The following ZNF229 variants were observed in gnomAD, a reference collection of about 807,000 sequenced individuals.
ZNF229 encodes zinc finger protein 229.
A neutral mutation model predicts 11.8 loss-of-function variants in ZNF229; 10 were observed. The observed-to-expected ratio is 0.85, with a 90% CI of 0.52 to 1.44. The LOEUF (loss-of-function observed/expected upper bound fraction) is 1.44, where lower values mean the gene tolerates loss of function less well. ZNF229 is among the 40% of genes most tolerant of loss of function. The pLI, the probability that ZNF229 is intolerant of heterozygous loss-of-function variation, is 0.00. For synonymous variants in ZNF229, 368 were observed against 374.8 expected (o/e 0.98, Z 0.21); for missense variants, 1,045 against 1,015.1 (o/e 1.03, Z -0.40).
intron 4 of ZNF229, among the ~76,000 whole-genome samples, chr19:44,435,815 G>C (rs529307599): frequency 6.6e-6 from 1 of 152,298 alleles, no homozygotes; most frequent in East Asian, 1.9e-4. Context: ...CACACAGTGG[G>C]AACAGTTGGT....
chr19:44,438,806 G>A (rs1484992727), intron 4 of ZNF229, among the ~76,000 whole-genome samples: 1 of 152,102 alleles, frequency 6.6e-6, no homozygotes, highest in African/African-American at 2.4e-5. Context: ...TGCCCAGAGA[G>A]GGCATGGAAG....
chr19:44,442,341 A>T (rs1286937054), intron 4 of ZNF229, among the ~76,000 whole-genome samples: 1 of 152,184 alleles, frequency 6.6e-6, no homozygotes, highest in Admixed American at 6.5e-5. Flanking sequence ...TATCGAATCC[A>T]ATTGACCTAC....
intron 1 of ZNF229, among the ~76,000 whole-genome samples, chr19:44,447,887 G>C (rs926053): frequency 0.11 from 16,164 of 152,158 alleles, 856 homozygotes; most frequent in Middle Eastern, 0.18. Context: ...TTAATCCAGA[G>C]CTGACTGTCA....
Position 44,442,679 on chromosome 19 carries a change from A to T in ZNF229, c.35-58T>A. Reference sequence around the variant, plus strand: ...TTGGTGCTGCCTGAAGCTCTAGATCATCTACCTGGTAGGAAGGTGCCCAGC... The same window carrying T: ...TTGGTGCTGCCTGAAGCTCTAGATCTTCTACCTGGTAGGAAGGTGCCCAGC... On this transcript the variant is annotated intron_variant, in intron 3 of 5. Coordinates refer to ENST00000614049, the MANE Select transcript of ZNF229 (RefSeq NM_014518.4). 3 of 1,607,938 alleles carry T rather than the reference A, an allele frequency of 1.9e-6. No homozygotes were observed. In the Admixed American group the frequency reaches 5.0e-5, roughly 27 times the overall value.
At chr19:44,436,323 C>T (rs574073966) in intron 4 of ZNF229, among the ~76,000 whole-genome samples, 5 of 152,078 alleles carry the variant, frequency 3.3e-5, no homozygotes, top group African/African-American at 4.8e-5. Flanking sequence ...GAACGTACCA[C>T]TGCACTCCAG....
At chr19:44,442,782 T>TGGC in intron 3 of ZNF229, 32 bp downstream of exon 3, 26 of 1,545,058 alleles carry the variant, frequency 1.7e-5, no homozygotes, top group Non-Finnish European at 2.2e-5. Flanking sequence ...GTTTGGATTC[T>TGGC]CCCCCCACCC....
intron 4 of ZNF229, among the ~76,000 whole-genome samples, chr19:44,432,941 T>TGTGTCAAC (rs1971751424): frequency 6.6e-6 from 1 of 152,086 alleles, no homozygotes; most frequent in Non-Finnish European, 1.5e-5. Flanking sequence ...TTCAGCCCGG[T>TGTGTCAAC]GTGTCAACTC....
chr19:44,429,266 T>C lies in ZNF229; in HGVS notation c.1515A>G (p.Gln505=), dbSNP rs1310244659. The change falls in exon 6 of 6, where the codon CAA becomes CAG. Residue 505 remains glutamine (Q), a synonymous_variant. Transcript: ENST00000614049. ...GCCCCATGTGAACTCTCTGGTGAGCTTGAAGGTACGAGTTGTGACTGAAAC... is the reference window on the plus strand; with the variant it reads ...GCCCCATGTGAACTCTCTGGTGAGCCTGAAGGTACGAGTTGTGACTGAAAC... The part of the protein sequence containing the change: ...GKGFSHNSYL[Q]AHQRVHMGQH... The C allele has an allele frequency of 2.5e-6, 4 of 1,613,686 alleles. No individual in the cohort carries two copies. The highest frequency in any genetic ancestry group is 2.2e-5 in the East Asian group (1 of 44,834).
intron 4 of ZNF229, among the ~76,000 whole-genome samples, chr19:44,440,200 T>C (rs1971884002): frequency 6.6e-6 from 1 of 151,834 alleles, no homozygotes; most frequent in Admixed American, 6.6e-5. Context: ...ACTTAGAGCT[T>C]AGCCTAAACA....
rs372174891 is a variant in ZNF229 at position 44,429,247 on chromosome 19, T to C, written c.1534A>G (p.Met512Val). The C allele has an allele frequency of 8.7e-6, 14 of 1,614,028 alleles. No homozygotes were observed. In the South Asian group the frequency reaches 8.8e-5, roughly 10 times the overall value. The change falls in exon 6 of 6, where the codon ATG becomes GTG. Residue 512 changes from methionine to valine, a missense_variant. Transcript: ENST00000614049. ...SYLQAHQRVH[M>V]GQHLYKCNVC... ...TTACATTTGTACAGATGCTGCCCCA[T>C]GTGAACTCTCTGGTGAGCTTGAAGG...
rs1266903502 is a variant in ZNF229 at position 44,430,339 on chromosome 19, T to C, written c.442A>G (p.Thr148Ala). 1.9e-6 allele frequency: 3 copies of C among 1,614,138 alleles called. No individual in the cohort carries two copies. Among genetic ancestry groups the C allele is most frequent in the East Asian group, 2.2e-5 (1 of 44,886 alleles). Residue 148 changes from threonine to alanine, a missense_variant, in exon 6 of 6, where the codon ACG becomes GCG. Coordinates refer to ENST00000614049, the MANE Select transcript of ZNF229 (RefSeq NM_014518.4). ...APHQGWEGAS[T>A]PCFPIENFLD... ...AAATTCTCAATTGGAAAACACGGCG[T>C]AGATGCTCCTTCCCACCCTTGATGG...
chr19:44,439,809 C>T (rs928391939), intron 4 of ZNF229, among the ~76,000 whole-genome samples: 2 of 152,180 alleles, frequency 1.3e-5, no homozygotes, highest in African/African-American at 4.8e-5. Context: ...TGGATTCACA[C>T]CTCTTTGTTA....
At chr19:44,444,469 G>A (rs757479757) in intron 2 of ZNF229, among the ~76,000 whole-genome samples, 3 of 152,120 alleles carry the variant, frequency 2.0e-5, no homozygotes, top group Admixed American at 1.3e-4. Context: ...TTTGACCCAG[G>A]TGTGGACAAC....
intron 2 of ZNF229, among the ~76,000 whole-genome samples, 175 bp downstream of exon 2, chr19:44,447,338 A>C (rs542001880): frequency 6.6e-6 from 1 of 152,342 alleles, no homozygotes; most frequent in Non-Finnish European, 1.5e-5. Flanking sequence ...ACTAGGAGCC[A>C]AGAAGAGAAT....
Position 44,427,274 on chromosome 19 carries a change from G to T in ZNF229, c.*1029C>A, listed in dbSNP as rs997402746. 1 of 134,644 alleles carries T rather than the reference G, an allele frequency of 7.4e-6. No individual in the cohort carries two copies. Among genetic ancestry groups the T allele is most frequent in the African/African-American group, 2.9e-5 (1 of 34,380 alleles). The allele number at this position is 134,644 out of a possible 1,614,324, so 8.3% of individuals were successfully genotyped here. ...CGCCCCCACTGATGGGGGATTTGAT[G>T]ATTCTATTTTAATACTGCTAACCTG... is the stretch of plus-strand genomic sequence containing the variant. On this transcript the variant is annotated 3_prime_UTR_variant, in exon 6 of 6. Coordinates refer to ENST00000614049, the MANE Select transcript of ZNF229 (RefSeq NM_014518.4).
At position 44,430,023 on chromosome 19, in the gene ZNF229, G is replaced by A. The variant is rs772104391; in HGVS notation, c.758C>T (p.Ser253Phe). The change falls in exon 6 of 6, where the codon TCT (serine) becomes TTT (phenylalanine). Residue 253 changes from serine (S) to phenylalanine (F), a missense_variant. Ser to Phe is a radical substitution (Grantham distance 155). Coordinates refer to ENST00000614049, the MANE Select transcript of ZNF229 (RefSeq NM_014518.4). ...TCCAGGGTTAATGCGATGAAGTACA[G>A]AGTTTTTAATGCAGTCTTTTCTGCA... ...NKCRKDCIKN[S>F]VLHRINPGEN... 1 of 1,614,164 alleles carries A rather than the reference G, an allele frequency of 6.2e-7. No homozygotes were observed. Among genetic ancestry groups the A allele is most frequent in the Non-Finnish European group, 8.5e-7 (1 of 1,180,048 alleles).
rs1353049240 is a variant in ZNF229 at position 44,428,901 on chromosome 19, G to T, written c.1880C>A (p.Pro627His). 6.2e-7 allele frequency: 1 copy of T among 1,610,858 alleles called. No homozygotes were observed. The highest frequency in any genetic ancestry group is 1.4e-5 in the African/African-American group (1 of 73,682). The change falls in exon 6 of 6, where the codon CCC becomes CAC. Residue 627 changes from proline to histidine, a missense_variant. Pro to His is a moderately conservative substitution (Grantham distance 77). Coordinates refer to ENST00000614049, the MANE Select transcript of ZNF229 (RefSeq NM_014518.4). ...TTTGCCACACTCAGCACATTTATAG[G>T]GTTTCTCTCCAGTGTGGACCCTCTG... is the stretch of plus-strand genomic sequence containing the variant. Reference protein sequence around the residue: ...IHQRVHTGEKPYKCAECGKGF... With the variant: ...IHQRVHTGEKHYKCAECGKGF...
At chr19:44,443,701 A>G (rs896833244) in intron 2 of ZNF229, among the ~76,000 whole-genome samples, 3 of 152,238 alleles carry the variant, frequency 2.0e-5, no homozygotes, top group Non-Finnish European at 4.4e-5. Context: ...ATACTCTGAA[A>G]TATTTGCACA....
intron 4 of ZNF229, among the ~76,000 whole-genome samples, chr19:44,433,967 C>T (rs1419952709): frequency 6.6e-6 from 1 of 152,110 alleles, no homozygotes; most frequent in Non-Finnish European, 1.5e-5. Flanking sequence ...CAGGGTTTCA[C>T]CATGTTAGCC....
Sources: allele counts gnomAD v4.1 joint callset (sites outside exome capture counted in the v4.1 genomes callset), GRCh38; gene constraint gnomAD v4.1.1; transcripts MANE v1.5; gene names NCBI Gene and HGNC (gene_info 2026-07-23, HGNC 2026-07-21).